Variants in KANSL3 observed in about 807,000 individuals in gnomAD.
KANSL3 encodes KAT8 regulatory NSL complex subunit 3.
Under a neutral mutation model 89.2 loss-of-function variants are expected in KANSL3, and 16 were observed. The observed-to-expected ratio is 0.18, with a 90% confidence interval of 0.12 to 0.27. KANSL3 has a LOEUF of 0.27. Among genes scored for constraint, KANSL3 ranks in the 10% least tolerant of loss-of-function variants. The probability of loss-of-function intolerance (pLI) is 1.00; values close to 1 mark genes in which losing one functional copy is unlikely to be tolerated. For synonymous variants in KANSL3, 385 were observed against 419.7 expected (o/e 0.92, Z 1.01); for missense variants, 879 against 1,110.6 (o/e 0.79, Z 2.96).
downstream of KANSL3, among the ~76,000 whole-genome samples, chr2:96,588,990 G>A (rs1475064913): frequency 6.6e-6 from 1 of 152,202 alleles, no homozygotes; most frequent in Non-Finnish European, 1.5e-5. Context: ...AGAGGTGGAA[G>A]AGGGTAATGT....
chr2:96,608,852 T>C lies in KANSL3; in HGVS notation c.1584+12A>G, dbSNP rs1420993883. ...TTCCCCAGCAAAAGCGCTCCCTCCC[T>C]GCTCACACTACCTCTGAGCCTGAGG... is the stretch of plus-strand genomic sequence containing the variant. On this transcript the variant is annotated intron_variant, in intron 13 of 20. Transcript: ENST00000431828. 2 of 1,560,160 alleles carry C rather than the reference T, an allele frequency of 1.3e-6. No homozygotes were observed. Among genetic ancestry groups the C allele is most frequent in the Non-Finnish European group, 1.7e-6 (2 of 1,152,874 alleles).
intron 20 of KANSL3, among the ~76,000 whole-genome samples, chr2:96,596,436 C>T (rs556621555): frequency 6.6e-6 from 1 of 152,300 alleles, no homozygotes; most frequent in Admixed American, 6.5e-5. Context: ...GCCTTATAGG[C>T]CCAGCTACTC....
At chr2:96,589,994 CAAA>C (rs71386016), downstream of KANSL3, among the ~76,000 whole-genome samples, 1 of 120,364 alleles carries the variant, frequency 8.3e-6, no homozygotes, top group Admixed American at 8.4e-5. Flanking sequence ...ACTAAAAATA[CAAA>C]AAAAAAAAAA....
intron 2 of KANSL3, among the ~76,000 whole-genome samples, chr2:96,632,556 C>T (rs981849164): frequency 6.6e-6 from 1 of 152,140 alleles, no homozygotes; most frequent in Non-Finnish European, 1.5e-5. Flanking sequence ...TAGGCTACAG[C>T]TCAGGAGTGG....
At chr2:96,617,548 T>C (rs1479479600) in intron 5 of KANSL3, among the ~76,000 whole-genome samples, 1 of 138,254 alleles carries the variant, frequency 7.2e-6, no homozygotes, top group Non-Finnish European at 1.6e-5. Flanking sequence ...AAGCAGAAAG[T>C]AAAACTATTA....
At chr2:96,607,562 A>AAGATCCATGGC (rs1282743114) in intron 14 of KANSL3, among the ~76,000 whole-genome samples, 3 of 152,208 alleles carry the variant, frequency 2.0e-5, no homozygotes, top group Non-Finnish European at 4.4e-5. Flanking sequence ...ACCACTCATG[A>AAGATCCATGGC]AGATCCATGG....
Position 96,608,503 on chromosome 2 carries a change from T to C in KANSL3, c.1741+5A>G, listed in dbSNP as rs2105326506. The C allele has an allele frequency of 6.2e-7, 1 of 1,613,990 alleles. No homozygotes were observed. The highest frequency in any genetic ancestry group is 8.5e-7 in the Non-Finnish European group (1 of 1,179,876). On this transcript the variant is annotated splice_donor_5th_base_variant and intron_variant, in intron 14 of 20. Coordinates refer to ENST00000431828, the MANE Select transcript of KANSL3 (RefSeq NM_001115016.3). ...CAAGAGGAGCCACTGGCCAAGTGCC[T>C]ATACCTTGAGCTTGTTTGTGGGTCA... is the stretch of plus-strand genomic sequence containing the variant.
At chr2:96,600,397 G>GA in intron 20 of KANSL3, 4 of 922,038 alleles carry the variant, frequency 4.3e-6, no homozygotes, top group Non-Finnish European at 5.2e-6. Flanking sequence ...TTTTATAATT[G>GA]AAAAAATAAG....
chr2:96,611,022 C>T (rs753326053), intron 10 of KANSL3, 42 bp downstream of exon 10: 3 of 1,598,260 alleles, frequency 1.9e-6, no homozygotes, highest in South Asian at 1.1e-5. Flanking sequence ...ACTCGCGCTC[C>T]CACTGCCAAT....
Position 96,637,162 on chromosome 2 carries a change from C to G in KANSL3, c.-27G>C, listed in dbSNP as rs1264163658. ...TCAGTGGAGGGGCAGAAAGTCAGAG[C>G]ATGGGTATCTGCATGCTAGTCACCT... On this transcript the variant is annotated 5_prime_UTR_variant, in exon 2 of 21. It removes an upstream start codon present in the reference 5' UTR. Coordinates refer to ENST00000431828, the MANE Select transcript of KANSL3 (RefSeq NM_001115016.3). 1 of 1,458,718 alleles carries G rather than the reference C, an allele frequency of 6.9e-7. No homozygotes were observed. Among genetic ancestry groups the G allele is most frequent in the Non-Finnish European group, 9.4e-7 (1 of 1,064,888 alleles). The allele number at this position is 1,458,718 out of a possible 1,614,324, so 90.4% of individuals were successfully genotyped here.
In KANSL3 at chr2:96,594,311, A is replaced by G. The variant is rs2066392573; in HGVS notation, c.*1300T>C. On this transcript the variant is annotated 3_prime_UTR_variant, in exon 21 of 21. Coordinates refer to ENST00000431828, the MANE Select transcript of KANSL3 (RefSeq NM_001115016.3). Reference sequence around the variant, plus strand: ...TATTACCTTAACTAGAAACATTCTAAGTATGGGAGCCTGTTCTGGAGGATA... The same window carrying G: ...TATTACCTTAACTAGAAACATTCTAGGTATGGGAGCCTGTTCTGGAGGATA... The G allele has an allele frequency of 6.6e-6, 1 of 152,260 alleles. No homozygotes were observed. Among genetic ancestry groups the G allele is most frequent in the Admixed American group, 6.5e-5 (1 of 15,286 alleles). 9.4% of individuals were successfully genotyped at this position (152,260 alleles called of 1,614,324 possible).
chr2:96,588,715 G>A (rs973745264), downstream of KANSL3, among the ~76,000 whole-genome samples: 2 of 151,714 alleles, frequency 1.3e-5, no homozygotes, highest in South Asian at 2.1e-4. Context: ...CTCAGCCTCC[G>A]GAGTAGCTGG....
At position 96,594,931 on chromosome 2, in the gene KANSL3, G is replaced by A. The variant is rs1444506620; in HGVS notation, c.*680C>T. ...GCAACCACTGCTCCCAACATCTAGAGTAAGTCAAAGAGGCTGAAAGATGAC... is the reference window on the plus strand; with the variant it reads ...GCAACCACTGCTCCCAACATCTAGAATAAGTCAAAGAGGCTGAAAGATGAC... On this transcript the variant is annotated 3_prime_UTR_variant, in exon 21 of 21. Transcript: ENST00000431828. 6.6e-6 allele frequency: 1 copy of A among 152,244 alleles called. No individual in the cohort carries two copies. The highest frequency in any genetic ancestry group is 2.4e-5 in the African/African-American group (1 of 41,444). The allele number at this position is 152,244 out of a possible 1,614,324, so 9.4% of individuals were successfully genotyped here.
At chr2:96,630,626 T>C (rs1341711662) in intron 3 of KANSL3, among the ~76,000 whole-genome samples, 2 of 152,232 alleles carry the variant, frequency 1.3e-5, no homozygotes, top group Non-Finnish European at 2.9e-5. Flanking sequence ...ACTCTGACTA[T>C]ACTAAAAACC....
At position 96,593,271 on chromosome 2, in the gene KANSL3, G is replaced by A. The variant is rs1558635547; in HGVS notation, c.*2340C>T. ...TCCAGCCCAAGACTGTTCTAGTGGT[G>A]AAACCAAGAGTAGACAGGTCTTCCT... On this transcript the variant is annotated 3_prime_UTR_variant, in exon 21 of 21. Transcript: ENST00000431828. 4.4e-6 allele frequency: 2 copies of A among 455,972 alleles called. No individual in the cohort carries two copies. The highest frequency in any genetic ancestry group is 4.4e-6 in the Non-Finnish European group (1 of 226,814). 28.2% of individuals were successfully genotyped at this position (455,972 alleles called of 1,614,324 possible). A position where few individuals can be genotyped will look rare whatever the true frequency, so the allele number is the denominator to read the frequency against.
In KANSL3 at chr2:96,602,749, G is replaced by A; in HGVS notation, c.2259+4C>T. 1 of 1,585,210 alleles carries A rather than the reference G, an allele frequency of 6.3e-7. No individual in the cohort carries two copies. Among genetic ancestry groups the A allele is most frequent in the South Asian group, 1.2e-5 (1 of 85,466 alleles). The stretch of plus-strand genomic sequence containing the variant: ...GCCCAGCCCAGCAGATGGCAGATGT[G>A]CACCTGTGGGGCTGGTCCTGGGGAG... On this transcript the variant is annotated splice_donor_region_variant and intron_variant, in intron 18 of 20. Transcript: ENST00000431828.
chr2:96,636,279 A>G (rs1330657220), intron 2 of KANSL3, among the ~76,000 whole-genome samples: 16 of 152,246 alleles, frequency 1.1e-4, no homozygotes, highest in Admixed American at 1.0e-3. Flanking sequence ...TAAAGTGCAA[A>G]AGAACTGGCA....
rs574740877 is a variant in KANSL3 at position 96,619,470 on chromosome 2, A to G, written c.552T>C (p.Ser184=). The G allele has an allele frequency of 1.6e-5, 26 of 1,614,052 alleles. No individual in the cohort carries two copies. Among genetic ancestry groups the G allele is most frequent in the Non-Finnish European group, 1.8e-5 (21 of 1,179,900 alleles). Residue 184 remains serine, a synonymous_variant, in exon 5 of 21, where the codon AGT becomes AGC. Coordinates refer to ENST00000431828, the MANE Select transcript of KANSL3 (RefSeq NM_001115016.3). ...CARRVRQALA[S]VSWDTKLIQW... ...GGATCAGCTTGGTATCCCAGCTCAC[A>G]CTTGCCAGAGCCTGCCGCACTCTCC...
At chr2:96,623,571 C>A (rs2071720102) in intron 3 of KANSL3, among the ~76,000 whole-genome samples, 1 of 152,118 alleles carries the variant, frequency 6.6e-6, no homozygotes, top group Non-Finnish European at 1.5e-5. Flanking sequence ...AAACAATGGT[C>A]CAACTCCTTT....
Sources: allele counts gnomAD v4.1 joint callset (sites outside exome capture counted in the v4.1 genomes callset), GRCh38; gene constraint gnomAD v4.1.1; transcripts MANE v1.5; gene names NCBI Gene and HGNC (gene_info 2026-07-23, HGNC 2026-07-21).